SSMEM1: variants seen among roughly 807,000 people sequenced by gnomAD.
SSMEM1 encodes serine-rich single-pass membrane protein 1.
SSMEM1 carries 12 observed loss-of-function variants against 9.9 expected under a neutral mutation model. The ratio of observed to expected loss-of-function variants is 1.21; its 90% confidence interval spans 0.78 to 1.96. The LOEUF is 1.96. SSMEM1 is among the 30% of genes most tolerant of loss of function. The pLI is 0.00. For missense variants in SSMEM1, 259 were observed against 292.2 expected (o/e 0.89, Z 0.83); for synonymous variants, 96 against 98.9 (o/e 0.97, Z 0.17).
At chr7:130,214,381 C>A (rs1279078761) in intron 2 of SSMEM1, among the ~76,000 whole-genome samples, 4 of 152,062 alleles carry the variant, frequency 2.6e-5, no homozygotes, top group Non-Finnish European at 5.9e-5. Context: ...CCACTACACT[C>A]CAGCCTGGGC....
chr7:130,205,712 T>C (rs369270937), upstream of SSMEM1, among the ~76,000 whole-genome samples: 591 of 152,316 alleles, frequency 3.9e-3, 4 homozygotes, highest in Middle Eastern at 0.014. Flanking sequence ...TGGACTCACA[T>C]GTGTAAACTG....
chr7:130,213,689 TACCAAA>T (rs1391157764), intron 2 of SSMEM1, among the ~76,000 whole-genome samples, 155 bp downstream of exon 2: 88 of 62,608 alleles, frequency 1.4e-3, no homozygotes, highest in Non-Finnish European at 2.1e-3. Flanking sequence ...TGAGACCCAG[TACCAAA>T]AAAAAAAAAA....
chr7:130,216,774 T>A lies in SSMEM1; in HGVS notation c.*304T>A. ...GTATATATTTTGTGCCTTGAGTGTA[T>A]GTATTTTGTTTATGTCTGTAATATG... On this transcript the variant is annotated 3_prime_UTR_variant, in exon 3 of 3. Transcript: ENST00000297819. 3.1e-6 allele frequency: 1 copy of A among 327,662 alleles called. No individual in the cohort carries two copies. The highest frequency in any genetic ancestry group is 4.8e-5 in the South Asian group (1 of 20,936). 20.3% of individuals were successfully genotyped at this position (327,662 alleles called of 1,614,324 possible). A position where few individuals can be genotyped will look rare whatever the true frequency, so the allele number is the denominator to read the frequency against.
At chr7:130,208,731 C>T (rs561386320) in intron 1 of SSMEM1, among the ~76,000 whole-genome samples, 5 of 152,296 alleles carry the variant, frequency 3.3e-5, no homozygotes, top group South Asian at 2.1e-4. Flanking sequence ...TGAAGCAATA[C>T]GCTTTCTGCA....
intron 1 of SSMEM1, among the ~76,000 whole-genome samples, chr7:130,210,933 T>C (rs991927593): frequency 6.6e-6 from 1 of 152,170 alleles, no homozygotes; most frequent in Non-Finnish European, 1.5e-5. Flanking sequence ...ACACATTATA[T>C]AGAAAATGTG....
At chr7:130,212,467 C>T (rs543624646) in intron 1 of SSMEM1, among the ~76,000 whole-genome samples, 5 of 152,062 alleles carry the variant, frequency 3.3e-5, no homozygotes, top group African/African-American at 9.6e-5. Flanking sequence ...GGCTTACATC[C>T]GTAATCCCAG....
At chr7:130,211,989 T>C (rs1368027258) in intron 1 of SSMEM1, among the ~76,000 whole-genome samples, 1 of 152,240 alleles carries the variant, frequency 6.6e-6, no homozygotes, top group Non-Finnish European at 1.5e-5. Context: ...TATACTGTGA[T>C]GAATGTTTCT....
chr7:130,215,225 A>G (rs1051697808), intron 2 of SSMEM1, among the ~76,000 whole-genome samples: 7 of 152,086 alleles, frequency 4.6e-5, no homozygotes, highest in African/African-American at 1.7e-4. Flanking sequence ...GATCACTTGA[A>G]CCTGGGAGAC....
At chr7:130,206,364 C>G (rs1192359910), upstream of SSMEM1, among the ~76,000 whole-genome samples, 1 of 152,210 alleles carries the variant, frequency 6.6e-6, no homozygotes, top group African/African-American at 2.4e-5. Flanking sequence ...GGAGATGACG[C>G]GTTAGAGTCC....
chr7:130,205,713 G>A (rs1177215336), upstream of SSMEM1, among the ~76,000 whole-genome samples: 1 of 152,218 alleles, frequency 6.6e-6, no homozygotes. Flanking sequence ...GGACTCACAT[G>A]TGTAAACTGA....
At chr7:130,205,479 G>A (rs1798426170), upstream of SSMEM1, 10 of 1,566,438 alleles carry the variant, frequency 6.4e-6, no homozygotes, top group South Asian at 1.1e-5. Flanking sequence ...GTTACCGGAA[G>A]AACTAGGTAG....
chr7:130,211,312 C>A (rs1432851290), intron 1 of SSMEM1, among the ~76,000 whole-genome samples: 1 of 152,040 alleles, frequency 6.6e-6, no homozygotes, highest in Non-Finnish European at 1.5e-5. Flanking sequence ...CACCCACCAC[C>A]ACACCCGGCT....
chr7:130,207,494 C>A (rs1310478825), upstream of SSMEM1, among the ~76,000 whole-genome samples: 1 of 152,078 alleles, frequency 6.6e-6, no homozygotes, highest in Non-Finnish European at 1.5e-5. Context: ...GTGAGGGCTT[C>A]AACATATGAA....
At position 130,207,920 on chromosome 7, in the gene SSMEM1, C is replaced by T. The variant is rs749707311; in HGVS notation, c.10C>T (p.Leu4Phe). 20 of 1,613,296 alleles carry T rather than the reference C, an allele frequency of 1.2e-5. No individual in the cohort carries two copies. The Middle Eastern group carries it at 1.2e-3, about 93-fold the overall frequency. ...TGAGCAAGGAGTCATCATGGGAGAC[C>T]TTTTTTCCTTATTTTGGGAGGTAGA... MGDLFSLFWEVDPP... is the reference protein window; with the variant it reads MGDFFSLFWEVDPP... The change falls in exon 1 of 3, where the codon CTT (leucine) becomes TTT (phenylalanine). Residue 4 changes from leucine (L) to phenylalanine (F), a missense_variant. Transcript: ENST00000297819.
rs763806644 is a variant in SSMEM1, at chr7:130,207,970, T to G, written c.60T>G (p.Cys20Trp). 2 of 1,613,984 alleles carry G rather than the reference T, an allele frequency of 1.2e-6. No individual in the cohort carries two copies. Among genetic ancestry groups the G allele is most frequent in the Non-Finnish European group, 8.5e-7 (1 of 1,180,004 alleles). ...EVDPPPIPVN[C>W]AIPNQDYECW... Reference sequence around the variant, plus strand: ...ATCCTCCCCCAATACCTGTAAATTGTGCCATTCCAAATCAGGATTATGAAT... The same window carrying G: ...ATCCTCCCCCAATACCTGTAAATTGGGCCATTCCAAATCAGGATTATGAAT... The change falls in exon 1 of 3, where the codon TGT becomes TGG. Residue 20 changes from cysteine (C) to tryptophan (W), a missense_variant. Transcript: ENST00000297819.
intron 1 of SSMEM1, among the ~76,000 whole-genome samples, chr7:130,213,117 G>C (rs1384667061): frequency 6.6e-6 from 1 of 152,162 alleles, no homozygotes; most frequent in Non-Finnish European, 1.5e-5. Flanking sequence ...GGAGGCCAAG[G>C]TGGGCAGATC....
chr7:130,213,359 A>C, intron 1 of SSMEM1, 121 bp from the exon 2 acceptor site: 1 of 665,670 alleles, frequency 1.5e-6, no homozygotes, highest in Non-Finnish European at 2.3e-6. Context: ...ATAAATAAAT[A>C]AAATAATAAA....
rs375103737 is a variant in SSMEM1, at chr7:130,213,520, C to T, written c.224C>T (p.Thr75Ile). The change falls in exon 2 of 3, where the codon ACT (threonine) becomes ATT (isoleucine). Residue 75 changes from threonine to isoleucine, a missense_variant. Coordinates refer to ENST00000297819, the MANE Select transcript of SSMEM1 (RefSeq NM_145268.4). ...DKKDEGSGTS[T>I]SVRKASKETS... ...AAGGATGAAGGCAGTGGGACAAGTA[C>T]TTCAGTAAGGAAAGGTGAGAACCAG... 5 of 1,611,548 alleles carry T rather than the reference C, an allele frequency of 3.1e-6. No individual in the cohort carries two copies. The highest frequency in any genetic ancestry group is 1.7e-4 in the Middle Eastern group (1 of 6,048).
rs748041722 is a variant in SSMEM1, at chr7:130,213,515, A to T, written c.219A>T (p.Thr73=). 22 of 1,612,000 alleles carry T rather than the reference A, an allele frequency of 1.4e-5. 1 individual carries two copies. In the South Asian group the frequency reaches 2.3e-4, roughly 17 times the overall value. Residue 73 remains threonine, a synonymous_variant, in exon 2 of 3, where the codon ACA becomes ACT. Transcript: ENST00000297819. ...ATAAAAAGGATGAAGGCAGTGGGAC[A>T]AGTACTTCAGTAAGGAAAGGTGAGA... The part of the protein sequence containing the change: ...SEDKKDEGSG[T]STSVRKASKE...
Sources: gnomAD v4.1 joint callset for allele counts (sites outside exome capture counted in the v4.1 genomes callset) on GRCh38, gnomAD v4.1.1 for gene constraint, MANE v1.5 for transcripts, NCBI Gene and HGNC (gene_info 2026-07-23, HGNC 2026-07-21) for gene names.